AUTS2: variants seen among roughly 807,000 people sequenced by gnomAD.
AUTS2 encodes activator of transcription and developmental regulator AUTS2, also known as autism susceptibility gene 2 protein.
A neutral mutation model predicts 112.4 loss-of-function variants in AUTS2; 17 were observed. The ratio of observed to expected loss-of-function variants is 0.15; its 90% CI spans 0.10 to 0.23. The LOEUF is 0.23. Among genes scored for constraint, AUTS2 ranks in the 10% least tolerant of loss-of-function variants. AUTS2 has a pLI of 1.00. For missense variants in AUTS2, 1,510 were observed against 1,701.6 expected (o/e 0.89, Z 1.98); for synonymous variants, 751 against 702.7 (o/e 1.07, Z -1.09).
intron 14 of AUTS2, 54 bp from the exon 15 acceptor site, chr7:70,781,561 C>T: frequency 1.2e-6 from 2 of 1,601,374 alleles, no homozygotes; most frequent in South Asian, 2.2e-5. Context: ...TTCACTAACA[C>T]CTTTATTCCT....
intron 4 of AUTS2, among the ~76,000 whole-genome samples, chr7:70,147,490 T>C (rs1312585874): frequency 6.6e-6 from 1 of 152,122 alleles, no homozygotes; most frequent in African/African-American, 2.4e-5. Context: ...ATCACTTACC[T>C]ACAACTTCCA....
chr7:70,502,077 G>T (rs1483939515), intron 5 of AUTS2, among the ~76,000 whole-genome samples: 1 of 152,118 alleles, frequency 6.6e-6, no homozygotes, highest in African/African-American at 2.4e-5. Context: ...CCTGAGATGT[G>T]TCTCTTGTAG....
intron 4 of AUTS2, among the ~76,000 whole-genome samples, chr7:70,310,348 C>T (rs909728179): frequency 2.0e-5 from 3 of 151,994 alleles, no homozygotes; most frequent in Non-Finnish European, 4.4e-5. Context: ...CGGTGGCTCA[C>T]GCCTGTAATC....
Position 69,598,544 on chromosome 7 carries a change from G to GGCGGCGGCGGCAGCAGCAGCAGCGTTA in AUTS2, c.-1098_-1072dup, listed in dbSNP as rs1215231712. 14 of 172,622 alleles carry GGCGGCGGCGGCAGCAGCAGCAGCGTTA rather than the reference G, an allele frequency of 8.1e-5. No individual in the cohort carries two copies. In the South Asian group the frequency reaches 9.2e-4, roughly 11 times the overall value. The allele number at this position is 172,622 out of a possible 1,614,324, so 10.7% of individuals were successfully genotyped here. ...CCCTCCGGCTCGGGGCTTTCTCGGC[G>GGCGGCGGCGGCAGCAGCAGCAGCGTTA]GCGGCGGCGGCAGCAGCAGCAGCGT... On this transcript the variant is annotated 5_prime_UTR_variant, in exon 1 of 19. Transcript: ENST00000342771.
intron 4 of AUTS2, among the ~76,000 whole-genome samples, chr7:70,244,686 TG>T (rs1462328658): frequency 1.3e-5 from 2 of 152,218 alleles, no homozygotes; most frequent in African/African-American, 2.4e-5. Flanking sequence ...TGTTTCAATG[TG>T]ATTCTGCATA....
rs1017190060 is a variant in AUTS2, at chr7:70,732,861, G to A, written c.743-30009G>A. On this transcript the variant is annotated intron_variant, in intron 6 of 18. Coordinates refer to ENST00000342771, the MANE Select transcript of AUTS2 (RefSeq NM_015570.4). ...TTTTTAAAGCATTTTCTTGTTTATT[G>A]TAGTTATCTGGCCTCATAACACACA... 3.3e-5 allele frequency among the ~76,000 whole-genome samples: 5 copies of A among 152,168 alleles called. No individual in the cohort carries two copies. The East Asian group carries it at 5.8e-4, about 18-fold the overall frequency.
chr7:70,526,873 A>G (rs3094903), intron 5 of AUTS2, among the ~76,000 whole-genome samples: 84,816 of 152,060 alleles, frequency 0.56, 24,469 homozygotes, highest in African/African-American at 0.68. Context: ...TCTTAGTCAC[A>G]CTTGCTTCCA....
intron 1 of AUTS2, among the ~76,000 whole-genome samples, chr7:69,612,467 T>C (rs996510362): frequency 1.4e-5 from 2 of 143,660 alleles, no homozygotes; most frequent in African/African-American, 5.0e-5. Flanking sequence ...ATTTTAAAAC[T>C]TTTTTTTTTT....
intron 5 of AUTS2, among the ~76,000 whole-genome samples, chr7:70,669,752 T>C (rs1807539575): frequency 6.6e-6 from 1 of 152,252 alleles, no homozygotes; most frequent in Non-Finnish European, 1.5e-5. Context: ...TACTGCATTT[T>C]CTGTGCGTTT....
At position 70,698,828 on chromosome 7, in the gene AUTS2, G is replaced by A; in HGVS notation, c.742+208G>A. On this transcript the variant is annotated intron_variant, in intron 6 of 18. Coordinates refer to ENST00000342771, the MANE Select transcript of AUTS2 (RefSeq NM_015570.4). ...AGTTTATTTTAAAAGAATACATTGAGTCCCTATTTAAACTGATTTGACTAA... is the reference window on the plus strand; with the variant it reads ...AGTTTATTTTAAAAGAATACATTGAATCCCTATTTAAACTGATTTGACTAA... 8.9e-6 allele frequency: 4 copies of A among 447,852 alleles called. No homozygotes were observed. In the Middle Eastern group the frequency reaches 1.7e-3, roughly 190 times the overall value. The allele number at this position is 447,852 out of a possible 1,614,324, so 27.7% of individuals were successfully genotyped here.
chr7:70,327,473 T>G (rs1241277465), intron 4 of AUTS2, among the ~76,000 whole-genome samples: 1 of 152,242 alleles, frequency 6.6e-6, no homozygotes. Context: ...TACAGATCTA[T>G]TCTTCCAAAG....
intron 1 of AUTS2, among the ~76,000 whole-genome samples, chr7:69,699,593 GTTAT>G (rs1243064298): frequency 1.4e-5 from 2 of 147,226 alleles, no homozygotes; most frequent in African/African-American, 5.0e-5. Flanking sequence ...TGACACTTTG[GTTAT>G]TTACAATCTT....
chr7:69,691,965 T>G (rs1322293734), intron 1 of AUTS2, among the ~76,000 whole-genome samples: 1 of 152,228 alleles, frequency 6.6e-6, no homozygotes, highest in African/African-American at 2.4e-5. Context: ...AAGCTTCAGA[T>G]GCCTCAGTCT....
chr7:70,011,420 A>T (rs1038455625), intron 2 of AUTS2, among the ~76,000 whole-genome samples: 4 of 143,964 alleles, frequency 2.8e-5, no homozygotes, highest in Non-Finnish European at 4.5e-5. Context: ...TTATTTCTCA[A>T]TTTAGCTCAT....
At chr7:69,625,331 A>G (rs1793894128) in intron 1 of AUTS2, among the ~76,000 whole-genome samples, 3 of 152,196 alleles carry the variant, frequency 2.0e-5, no homozygotes, top group Admixed American at 2.0e-4. Flanking sequence ...TTTATTTACA[A>G]GTTTCTTTCA....
chr7:70,519,992 A>G (rs1799577187), intron 5 of AUTS2, among the ~76,000 whole-genome samples: 2 of 152,334 alleles, frequency 1.3e-5, no homozygotes, highest in Middle Eastern at 3.4e-3. Context: ...AGTTCTTTAT[A>G]TATTATAAAT....
At chr7:69,675,407 C>G (rs760516946) in intron 1 of AUTS2, among the ~76,000 whole-genome samples, 1 of 151,586 alleles carries the variant, frequency 6.6e-6, no homozygotes, top group Non-Finnish European at 1.5e-5. Context: ...TTAACAGATT[C>G]ATCTAGACAC....
At chr7:70,678,424 A>C (rs1008521686) in intron 5 of AUTS2, among the ~76,000 whole-genome samples, 1 of 152,208 alleles carries the variant, frequency 6.6e-6, no homozygotes, top group African/African-American at 2.4e-5. Context: ...CTCTCCTTGG[A>C]GTGGTACTGG....
intron 4 of AUTS2, among the ~76,000 whole-genome samples, chr7:70,399,590 G>A (rs1585100672): frequency 6.6e-6 from 1 of 152,194 alleles, no homozygotes; most frequent in East Asian, 1.9e-4. Context: ...ACACCTAAGT[G>A]GATAGCAGTT....
Sources: allele counts gnomAD v4.1 joint callset (sites outside exome capture counted in the v4.1 genomes callset), GRCh38; gene constraint gnomAD v4.1.1; transcripts MANE v1.5; gene names NCBI Gene and HGNC (gene_info 2026-07-23, HGNC 2026-07-21).